Variants in SEC14L1 observed in about 807,000 individuals in gnomAD.
SEC14L1 encodes SEC14-like protein 1.
A neutral mutation model predicts 85.3 loss-of-function variants in SEC14L1; 48 were observed. That is an observed-to-expected ratio of 0.56 (90% CI 0.45 to 0.72). The LOEUF is 0.72. Ranked by LOEUF, SEC14L1 falls within the 30% of genes least tolerant of loss-of-function variation. SEC14L1 has a pLI of 0.00. For synonymous variants in SEC14L1, 391 were observed against 355.5 expected (o/e 1.10, Z -1.12); for missense variants, 682 against 921.4 (o/e 0.74, Z 3.36).
At chr17:77,154,365 T>C (rs955273626) in intron 3 of SEC14L1, among the ~76,000 whole-genome samples, 6 of 152,196 alleles carry the variant, frequency 3.9e-5, no homozygotes, top group African/African-American at 1.4e-4. Flanking sequence ...TCTCAGCTAC[T>C]CAGGAGACTT....
In SEC14L1 at chr17:77,216,436, G is replaced by A. The variant is rs919408697; in HGVS notation, c.*2413G>A. The stretch of plus-strand genomic sequence containing the variant: ...TAGGTAGGGTTCGTAGGTAGGGTTC[G>A]TAGGTAGGGTTAGTAGCGCGTCTGT... On this transcript the variant is annotated 3_prime_UTR_variant, in exon 17 of 17. Coordinates refer to ENST00000436233, the MANE Select transcript of SEC14L1 (RefSeq NM_001143998.2). The A allele has an allele frequency of 3.8e-6, 6 of 1,588,886 alleles. No individual in the cohort carries two copies. The highest frequency in any genetic ancestry group is 2.7e-5 in the African/African-American group (2 of 73,918).
rs1384712351 is a variant in SEC14L1, at chr17:77,213,502, C to T, written c.2042+10C>T. ...GCTCGGAGGATTTCAGGTGCGGCCA[C>T]CCTCGCCACAGCAGGTGCTGCGGAC... On this transcript the variant is annotated intron_variant, in intron 16 of 16. Transcript: ENST00000436233. This position sits in a 1 kb window ranked among gnomAD's most constrained non-coding sequence, Gnocchi z 7.1. 6.2e-7 allele frequency: 1 copy of T among 1,604,810 alleles called. No individual in the cohort carries two copies. The highest frequency in any genetic ancestry group is 1.7e-5 in the Admixed American group (1 of 60,002).
At chr17:77,188,789 C>T (rs6501942) in intron 3 of SEC14L1, among the ~76,000 whole-genome samples, 146,204 of 152,256 alleles carry the variant, frequency 0.96, 70,489 homozygotes, top group East Asian at 1. Context: ...TTCCACATCC[C>T]AACCAGCACT....
At chr17:77,120,169 C>T (rs1972261626) in intron 3 of SEC14L1, among the ~76,000 whole-genome samples, 1 of 151,992 alleles carries the variant, frequency 6.6e-6, no homozygotes, top group South Asian at 2.1e-4. Context: ...CTCGGGAGTT[C>T]AAGACCAGCC....
At chr17:77,192,224 C>T (rs1387288256) in intron 5 of SEC14L1, among the ~76,000 whole-genome samples, 1 of 152,244 alleles carries the variant, frequency 6.6e-6, no homozygotes, top group Admixed American at 6.5e-5. Context: ...AGTATCTTCA[C>T]TGCTTACCAC....
intron 3 of SEC14L1, among the ~76,000 whole-genome samples, chr17:77,176,144 G>A (rs1974743718): frequency 1.3e-5 from 2 of 152,116 alleles, no homozygotes; most frequent in Non-Finnish European, 2.9e-5. Flanking sequence ...GCAAAAATTA[G>A]CTGAGCGTGG....
At chr17:77,134,568 C>G (rs562699699) in intron 3 of SEC14L1, among the ~76,000 whole-genome samples, 1 of 151,872 alleles carries the variant, frequency 6.6e-6, no homozygotes, top group South Asian at 2.1e-4. Context: ...AACAAACAAA[C>G]AAAAAATACA....
rs532836276 is a variant in SEC14L1, at chr17:77,215,261, T to C, written c.*1238T>C. ...TGCTCTATCTGGTACAGGCCCTTAT[T>C]TTTTCAGCTTTTTATGGGAAAAGCA... On this transcript the variant is annotated 3_prime_UTR_variant, in exon 17 of 17. Transcript: ENST00000436233. The C allele has an allele frequency of 7.8e-5, 77 of 985,430 alleles. 1 individual carries two copies. The African/African-American group carries it at 1.3e-3, about 16-fold the overall frequency. 61.0% of individuals were successfully genotyped at this position (985,430 alleles called of 1,614,324 possible). A position where few individuals can be genotyped will look rare whatever the true frequency, so the allele number is the denominator to read the frequency against.
intron 3 of SEC14L1, among the ~76,000 whole-genome samples, chr17:77,130,889 C>T (rs1972592496): frequency 6.6e-6 from 1 of 152,088 alleles, no homozygotes; most frequent in South Asian, 2.1e-4. Flanking sequence ...TACAGACTGC[C>T]TAGCCTGAGA....
At chr17:77,162,213 G>A (rs1480967438) in intron 3 of SEC14L1, among the ~76,000 whole-genome samples, 2 of 151,646 alleles carry the variant, frequency 1.3e-5, no homozygotes, top group African/African-American at 2.4e-5. Context: ...GAGGCCCCAC[G>A]GGCACTGCTG....
At position 77,215,575 on chromosome 17, in the gene SEC14L1, G is replaced by T; in HGVS notation, c.*1552G>T. 1.0e-6 allele frequency: 1 copy of T among 986,944 alleles called. No homozygotes were observed. 61.1% of individuals were successfully genotyped at this position (986,944 alleles called of 1,614,324 possible). On this transcript the variant is annotated 3_prime_UTR_variant, in exon 17 of 17. Transcript: ENST00000436233. ...CCGAGCAGCCCTCTTGCCCGGTCGG[G>T]TCAGCCCTAGTGGCTGCCTGCACAC...
intron 2 of SEC14L1, chr17:77,089,445 G>T (rs1680856215): frequency 1.9e-6 from 1 of 518,896 alleles, no homozygotes; most frequent in African/African-American, 1.9e-5. Flanking sequence ...TAACAGGTGT[G>T]AGCATTCTAG....
intron 3 of SEC14L1, among the ~76,000 whole-genome samples, chr17:77,123,955 A>T (rs1972370654): frequency 1.3e-5 from 2 of 152,252 alleles, no homozygotes; most frequent in Non-Finnish European, 2.9e-5. Flanking sequence ...TTAAAAAATT[A>T]TGCTTGCTGT....
intron 3 of SEC14L1, among the ~76,000 whole-genome samples, chr17:77,189,339 C>G (rs958099734): frequency 6.6e-6 from 1 of 151,970 alleles, no homozygotes; most frequent in Non-Finnish European, 1.5e-5. Context: ...CCAAACTGGC[C>G]CATTTGGGGG....
At chr17:77,196,606 G>A (rs1384263381) in intron 8 of SEC14L1, among the ~76,000 whole-genome samples, 1 of 152,206 alleles carries the variant, frequency 6.6e-6, no homozygotes, top group Non-Finnish European at 1.5e-5. Context: ...TTTTCAGAAG[G>A]TGTAAAAAGA....
chr17:77,194,739 C>T lies in SEC14L1; in HGVS notation c.537C>T (p.Pro179=), dbSNP rs1486870454. The change falls in exon 7 of 17, where the codon CCC becomes CCT. Residue 179 remains proline, a synonymous_variant. Coordinates refer to ENST00000436233, the MANE Select transcript of SEC14L1 (RefSeq NM_001143998.2). ...AAGAAGAAGGCATAACCTTTGTGCCCCGTTGGAGTCCGCCTTCCATCACGA... is the reference window on the plus strand; with the variant it reads ...AAGAAGAAGGCATAACCTTTGTGCCTCGTTGGAGTCCGCCTTCCATCACGA... The part of the protein sequence containing the change: ...QLEEEGITFV[P]RWSPPSITTS... 3 of 1,614,068 alleles carry T rather than the reference C, an allele frequency of 1.9e-6. No homozygotes were observed. The highest frequency in any genetic ancestry group is 2.5e-6 in the Non-Finnish European group (3 of 1,180,034).
chr17:77,193,314 G>T (rs769735196), intron 5 of SEC14L1, 107 bp from the exon 6 acceptor site: 1 of 1,070,512 alleles, frequency 9.3e-7, no homozygotes, highest in South Asian at 2.0e-5. Flanking sequence ...TAGTAGCATT[G>T]TTAGTAACGT....
intron 3 of SEC14L1, among the ~76,000 whole-genome samples, chr17:77,100,199 C>T (rs974874509): frequency 6.6e-6 from 1 of 152,206 alleles, no homozygotes; most frequent in African/African-American, 2.4e-5. Context: ...CTGACCTCTT[C>T]CTGGTAGATG....
At chr17:77,122,301 ATCT>A (rs1486504271) in intron 3 of SEC14L1, among the ~76,000 whole-genome samples, 2 of 150,318 alleles carry the variant, frequency 1.3e-5, no homozygotes, top group Non-Finnish European at 3.0e-5. Context: ...TTTCTTCTTC[ATCT>A]TCTTTTTTTT....
Sources: allele counts gnomAD v4.1 joint callset (sites outside exome capture counted in the v4.1 genomes callset), GRCh38; gene constraint gnomAD v4.1.1; non-coding constraint Gnocchi (gnomAD v3.1); transcripts MANE v1.5; gene names NCBI Gene and HGNC (gene_info 2026-07-23, HGNC 2026-07-21).